Variants in ATP2B4 observed in about 807,000 individuals in gnomAD.
ATP2B4 encodes ATPase plasma membrane Ca2+ transporting 4.
A neutral mutation model predicts 110.3 loss-of-function variants in ATP2B4; 39 were observed. The ratio of observed to expected loss-of-function variants is 0.35; its 90% CI spans 0.27 to 0.46. The LOEUF is 0.46. ATP2B4 is among the 20% of genes least tolerant of loss of function. The probability of loss-of-function intolerance (pLI) is 1.00; values close to 1 mark genes in which losing one functional copy is unlikely to be tolerated. For synonymous variants in ATP2B4, 538 were observed against 571.7 expected (o/e 0.94, Z 0.84); for missense variants, 1,135 against 1,530.9 (o/e 0.74, Z 4.32).
chr1:203,725,902 TTC>T (rs1221344717), intron 19 of ATP2B4, among the ~76,000 whole-genome samples: 3 of 115,610 alleles, frequency 2.6e-5, no homozygotes, highest in African/African-American at 7.4e-5. Flanking sequence ...TTCTTTTCTT[TTC>T]TTTTTTTTTT....
rs1666966827 is a variant in ATP2B4, at chr1:203,740,027, AT to A, written c.*176del. On this transcript the variant is annotated 3_prime_UTR_variant, in exon 21 of 21. Transcript: ENST00000357681. ...GAGGCAAGAGCACAGACTTACAAGG[AT>A]TTCAACTTAAGCTTGACTTGGGGTT... 5.4e-6 allele frequency: 4 copies of A among 740,822 alleles called. No individual in the cohort carries two copies. The highest frequency in any genetic ancestry group is 8.5e-6 in the Non-Finnish European group (4 of 471,890). The allele number at this position is 740,822 out of a possible 1,614,324, so 45.9% of individuals were successfully genotyped here. A position where few individuals can be genotyped will look rare whatever the true frequency, so the allele number is the denominator to read the frequency against.
intron 20 of ATP2B4, among the ~76,000 whole-genome samples, chr1:203,731,163 C>T (rs1353347336): frequency 6.6e-6 from 1 of 152,182 alleles, no homozygotes; most frequent in Non-Finnish European, 1.5e-5. Flanking sequence ...ACCCTCTCCT[C>T]CTGCAGGTTC....
Position 203,683,288 on chromosome 1 carries a change from A to G in ATP2B4, c.83A>G (p.Glu28Gly). The change falls in exon 2 of 21, where the codon GAA becomes GGA. Residue 28 changes from glutamate to glycine, a missense_variant. By Grantham distance (98) the Glu-to-Gly change is moderately conservative (BLOSUM62 -2). Around this residue, in one of 9 missense-constraint regions of ATP2B4, gnomAD observed 122 missense variants for 125.2 expected, o/e 0.97. Coordinates refer to ENST00000357681, the MANE Select transcript of ATP2B4 (RefSeq NM_001684.5). ...GGGGACTTTGGCTGCACAGTAATGGAACTGAGGAAGCTCATGGAGCTGCGT... is the reference window on the plus strand; with the variant it reads ...GGGGACTTTGGCTGCACAGTAATGGGACTGAGGAAGCTCATGGAGCTGCGT... ...REGDFGCTVM[E>G]LRKLMELRSR... 1 of 1,614,190 alleles carries G rather than the reference A, an allele frequency of 6.2e-7. No individual in the cohort carries two copies. The highest frequency in any genetic ancestry group is 1.1e-5 in the South Asian group (1 of 91,090).
At position 203,713,237 on chromosome 1, in the gene ATP2B4, C is replaced by A. The variant is rs199982937; in HGVS notation, c.2284C>A (p.His762Asn). ...VLARSSPTDK[H>N]TLVKGIIDST... The stretch of plus-strand genomic sequence containing the variant: ...GGCGCGATCTTCTCCCACTGACAAG[C>A]ACACCCTGGTGAAAGGTGAGGTTGG... Residue 762 changes from histidine to asparagine, a missense_variant, in exon 14 of 21, where the codon CAC becomes AAC. This residue lies in a region of ATP2B4 where 368 missense variants were observed against 455.9 expected (regional missense o/e 0.81). Transcript: ENST00000357681. The A allele has an allele frequency of 6.2e-7, 1 of 1,614,160 alleles. No individual in the cohort carries two copies. The highest frequency in any genetic ancestry group is 2.2e-5 in the East Asian group (1 of 44,878).
chr1:203,736,476 A>C (rs542834809), intron 20 of ATP2B4, among the ~76,000 whole-genome samples: 3 of 151,488 alleles, frequency 2.0e-5, no homozygotes, highest in African/African-American at 7.2e-5. Context: ...CCCCCCCAAA[A>C]AAAAAAAAGC....
intron 5 of ATP2B4, 94 bp from the exon 6 acceptor site, chr1:203,700,704 A>G (rs1054969316): frequency 2.0e-6 from 3 of 1,505,604 alleles, no homozygotes; most frequent in Non-Finnish European, 2.7e-6. Flanking sequence ...TGGGGTAGGG[A>G]GGAGTATTTT....
intron 20 of ATP2B4, chr1:203,728,351 G>A (rs561822393): frequency 5.0e-5 from 17 of 337,314 alleles, no homozygotes; most frequent in Admixed American, 3.1e-4. Context: ...GGGTGAATGC[G>A]CTGATCTAAG....
chr1:203,654,204 G>A (rs575846948), intron 1 of ATP2B4, among the ~76,000 whole-genome samples: 10 of 151,042 alleles, frequency 6.6e-5, no homozygotes, highest in East Asian at 2.0e-4. Context: ...GGCTGGTCTC[G>A]AACTCCTGAC....
At chr1:203,634,046 G>A (rs149033791) in intron 1 of ATP2B4, among the ~76,000 whole-genome samples, 2,196 of 151,994 alleles carry the variant, frequency 0.014, 61 homozygotes, top group African/African-American at 0.05. Context: ...GTGAAACTCC[G>A]TCTCAAAAAA....
At chr1:203,721,924 G>A (rs1666350039) in intron 17 of ATP2B4, among the ~76,000 whole-genome samples, 1 of 151,890 alleles carries the variant, frequency 6.6e-6, no homozygotes, top group African/African-American at 2.4e-5. Flanking sequence ...GCCCCCCAGA[G>A]TGCTGGGATT....
At chr1:203,705,460 G>A (rs542580341) in intron 8 of ATP2B4, among the ~76,000 whole-genome samples, 2 of 152,324 alleles carry the variant, frequency 1.3e-5, no homozygotes, top group South Asian at 2.1e-4. Flanking sequence ...GTGCAGTGAT[G>A]CAATCTTGGC....
At chr1:203,685,993 A>G (rs7551442) in intron 2 of ATP2B4, among the ~76,000 whole-genome samples, 125,454 of 150,504 alleles carry the variant, frequency 0.83, 53,066 homozygotes, top group East Asian at 1. Context: ...TCATTTGCTC[A>G]CTTCTTAATC....
At chr1:203,739,274 C>T (rs933951894) in intron 20 of ATP2B4, among the ~76,000 whole-genome samples, 1 of 152,028 alleles carries the variant, frequency 6.6e-6, no homozygotes, top group Non-Finnish European at 1.5e-5. Flanking sequence ...GGAATGCTAA[C>T]GTTGCTTTGG....
At chr1:203,686,698 T>C (rs1665198904) in intron 2 of ATP2B4, among the ~76,000 whole-genome samples, 2 of 136,496 alleles carry the variant, frequency 1.5e-5, no homozygotes, top group African/African-American at 2.7e-5. Context: ...TTTTTTTTTT[T>C]TTTTTTTTTT....
intron 19 of ATP2B4, 42 bp from the exon 20 acceptor site, chr1:203,727,353 C>T (rs1455610764): frequency 5.6e-6 from 9 of 1,605,076 alleles, no homozygotes; most frequent in East Asian, 2.2e-5. Flanking sequence ...GCTCTTCTCA[C>T]GCTGATTCTG....
intron 4 of ATP2B4, 108 bp downstream of exon 4, chr1:203,699,825 T>G: frequency 6.6e-7 from 1 of 1,508,294 alleles, no homozygotes. Context: ...AAAGATAAGA[T>G]CCAAAATTGT....
intron 1 of ATP2B4, among the ~76,000 whole-genome samples, chr1:203,654,887 G>GAA (rs1161772363): frequency 1.0e-3 from 76 of 74,722 alleles, no homozygotes; most frequent in African/African-American, 3.4e-3. Context: ...ACCTCGTCTG[G>GAA]AAAAAAAAAA....
chr1:203,694,042 C>T (rs960291703), intron 2 of ATP2B4, among the ~76,000 whole-genome samples: 1 of 152,148 alleles, frequency 6.6e-6, no homozygotes, highest in African/African-American at 2.4e-5. Flanking sequence ...CCTGCCAGGC[C>T]TTAGTTTGCT....
chr1:203,676,712 G>A (rs1339557401), intron 1 of ATP2B4, among the ~76,000 whole-genome samples: 3 of 152,080 alleles, frequency 2.0e-5, no homozygotes, highest in Non-Finnish European at 2.9e-5. Flanking sequence ...ACGACTGAGT[G>A]GAGGAAGCCC....
Sources: gnomAD v4.1 joint callset for allele counts (sites outside exome capture counted in the v4.1 genomes callset) on GRCh38, gnomAD v4.1.1 for gene constraint, gnomAD v4.1.1 regional missense constraint, MANE v1.5 for transcripts, NCBI Gene and HGNC (gene_info 2026-07-23, HGNC 2026-07-21) for gene names.